ZFYVE9: variants seen among roughly 807,000 people sequenced by gnomAD.
ZFYVE9 encodes zinc finger FYVE-type containing 9, also known as zinc finger FYVE domain-containing protein 9.
Under a neutral mutation model 126.7 loss-of-function variants are expected in ZFYVE9, and 43 were observed. The ratio of observed to expected loss-of-function variants is 0.34; its 90% CI spans 0.27 to 0.44. The LOEUF (loss-of-function observed/expected upper bound fraction) is 0.44. ZFYVE9 is among the 20% of genes least tolerant of loss of function. The pLI, the probability that ZFYVE9 is intolerant of heterozygous loss-of-function variation, is 1.00. For missense variants in ZFYVE9, 1,476 were observed against 1,697.0 expected (o/e 0.87, Z 2.29); for synonymous variants, 521 against 597.4 (o/e 0.87, Z 1.87).
intron 13 of ZFYVE9, among the ~76,000 whole-genome samples, chr1:52,327,110 G>A (rs560324544): frequency 1.8e-4 from 27 of 151,992 alleles, no homozygotes; most frequent in Admixed American, 1.1e-3. Context: ...GCAGTGAGCC[G>A]AGATTGCACC....
At chr1:52,280,100 G>T (rs953149129) in intron 9 of ZFYVE9, among the ~76,000 whole-genome samples, 17 of 151,840 alleles carry the variant, frequency 1.1e-4, no homozygotes, top group African/African-American at 4.1e-4. Flanking sequence ...CCTAAGACCA[G>T]GCACCATGGT....
At chr1:52,148,947 ATTTTTTTTTTTTTT>A (rs56300233) in intron 1 of ZFYVE9, among the ~76,000 whole-genome samples, 1,704 of 34,430 alleles carry the variant, frequency 0.049, 69 homozygotes, top group African/African-American at 0.14. Flanking sequence ...CCTTAACATG[ATTTTTTTTTTTTTT>A]TTTTTTTTTT....
chr1:52,157,417 T>TG (rs1340130796), intron 1 of ZFYVE9, among the ~76,000 whole-genome samples: 1 of 140,568 alleles, frequency 7.1e-6, no homozygotes, highest in African/African-American at 2.6e-5. Flanking sequence ...TTTTTTTTTT[T>TG]TGAGATGGAG....
Position 52,248,645 on chromosome 1 carries a change from A to G in ZFYVE9, c.2178+9050A>G, listed in dbSNP as rs1645414257. Among the ~76,000 whole-genome samples the G allele has an allele frequency of 3.9e-5, 6 of 152,154 alleles. No homozygotes were observed. The South Asian group carries it at 1.2e-3, about 31-fold the overall frequency. Reference sequence around the variant, plus strand: ...ATATTTCATTGTATGTATGTACCACATTTTGTTAATTCATTTATCCATCAA... The same window carrying G: ...ATATTTCATTGTATGTATGTACCACGTTTTGTTAATTCATTTATCCATCAA... On this transcript the variant is annotated intron_variant, in intron 4 of 18. Transcript: ENST00000287727.
chr1:52,179,992 T>G (rs1644682482), intron 1 of ZFYVE9: 1 of 900,224 alleles, frequency 1.1e-6, no homozygotes, highest in African/African-American at 1.6e-5. Context: ...GATATGACTT[T>G]GGAAGAGCTG....
At chr1:52,205,975 G>A (rs1644974400) in intron 1 of ZFYVE9, among the ~76,000 whole-genome samples, 1 of 152,050 alleles carries the variant, frequency 6.6e-6, no homozygotes, top group Non-Finnish European at 1.5e-5. Flanking sequence ...GATCTTTGAA[G>A]GTATAGGTGC....
chr1:52,247,864 C>A (rs1184440039), intron 4 of ZFYVE9, among the ~76,000 whole-genome samples: 1 of 152,126 alleles, frequency 6.6e-6, no homozygotes, highest in Non-Finnish European at 1.5e-5. Flanking sequence ...GACTGCTATT[C>A]TACCATCTGT....
At position 52,259,115 on chromosome 1, in the gene ZFYVE9, G is replaced by C. The variant is rs368788716; in HGVS notation, c.2179-4658G>C. Reference sequence around the variant, plus strand: ...GCAGGGTTGGTTCCTCCTGGGGGCTGTACGGAAAAGATCTCTTCCATGTCT... The same window carrying C: ...GCAGGGTTGGTTCCTCCTGGGGGCTCTACGGAAAAGATCTCTTCCATGTCT... On this transcript the variant is annotated intron_variant, in intron 4 of 18. Coordinates refer to ENST00000287727, the MANE Select transcript of ZFYVE9 (RefSeq NM_004799.4). 1.4e-4 allele frequency among the ~76,000 whole-genome samples: 22 copies of C among 152,254 alleles called. No homozygotes were observed. The East Asian group carries it at 3.5e-3, about 24-fold the overall frequency.
intron 2 of ZFYVE9, among the ~76,000 whole-genome samples, chr1:52,230,938 T>G (rs1424318846): frequency 1.3e-5 from 2 of 152,240 alleles, no homozygotes; most frequent in South Asian, 4.1e-4. Context: ...TTTATAATGT[T>G]AGGGATGATA....
At chr1:52,297,778 A>G (rs963898720) in intron 12 of ZFYVE9, among the ~76,000 whole-genome samples, 1 of 151,604 alleles carries the variant, frequency 6.6e-6, no homozygotes, top group African/African-American at 2.4e-5. Flanking sequence ...GCTGGAGTGC[A>G]GTGGCACGAT....
chr1:52,218,509 C>T (rs2124599003), intron 2 of ZFYVE9, among the ~76,000 whole-genome samples: 1 of 152,286 alleles, frequency 6.6e-6, no homozygotes, highest in African/African-American at 2.4e-5. Flanking sequence ...ACATGTTTCC[C>T]CAGGCTGTGG....
chr1:52,321,926 G>A (rs1324813600), intron 13 of ZFYVE9, among the ~76,000 whole-genome samples: 1 of 152,152 alleles, frequency 6.6e-6, no homozygotes. Context: ...ATCTTATCCA[G>A]TTCTATGGGC....
At chr1:52,255,898 TTTTTCTTTTC>T (rs71577260) in intron 4 of ZFYVE9, among the ~76,000 whole-genome samples, 8,168 of 101,898 alleles carry the variant, frequency 0.08, 496 homozygotes, top group Non-Finnish European at 0.1. Context: ...CTATTTTGCT[TTTTTCTTTTC>T]TTTTCTTTTC....
chr1:52,151,771 C>T (rs1467284121), intron 1 of ZFYVE9, among the ~76,000 whole-genome samples: 1 of 152,068 alleles, frequency 6.6e-6, no homozygotes, highest in Admixed American at 6.6e-5. Flanking sequence ...CCCGCCTCGG[C>T]CTCCCAAAGT....
chr1:52,254,193 A>T (rs1645480057), intron 4 of ZFYVE9: 1 of 544,344 alleles, frequency 1.8e-6, no homozygotes, highest in Non-Finnish European at 3.2e-6. Flanking sequence ...CTTTAAAATG[A>T]TATGGAAGTC....
At chr1:52,234,619 CAT>C (rs1356625242) in intron 3 of ZFYVE9, among the ~76,000 whole-genome samples, 6 of 152,154 alleles carry the variant, frequency 3.9e-5, no homozygotes, top group Non-Finnish European at 5.9e-5. Flanking sequence ...AATATGGAAT[CAT>C]GACAGGAAGG....
chr1:52,336,238 G>A (rs1485133230), intron 15 of ZFYVE9, among the ~76,000 whole-genome samples: 1 of 151,110 alleles, frequency 6.6e-6, no homozygotes, highest in East Asian at 1.9e-4. Flanking sequence ...GTCTTCTTTT[G>A]GTAAATTTAA....
chr1:52,296,906 G>A (rs531013302), intron 12 of ZFYVE9, among the ~76,000 whole-genome samples: 1 of 151,910 alleles, frequency 6.6e-6, no homozygotes, highest in East Asian at 1.9e-4. Flanking sequence ...CTCCACCTCC[G>A]AGCAATTCTC....
At position 52,169,547 on chromosome 1, in the gene ZFYVE9, C is replaced by A. The variant is rs568770053; in HGVS notation, c.-143+27144C>A. On this transcript the variant is annotated intron_variant, in intron 1 of 18. Transcript: ENST00000287727. ...TTAGAATGTAATCTCTGCGAGGGCT[C>A]AGGTTTTGCCTGTTTACTTGCTGTT... Among the ~76,000 whole-genome samples the A allele has an allele frequency of 3.3e-5, 5 of 152,238 alleles. No individual in the cohort carries two copies. In the South Asian group the frequency reaches 1.0e-3, roughly 32 times the overall value.
Sources: gnomAD v4.1 joint callset for allele counts (sites outside exome capture counted in the v4.1 genomes callset) on GRCh38, gnomAD v4.1.1 for gene constraint, MANE v1.5 for transcripts, NCBI Gene and HGNC (gene_info 2026-07-23, HGNC 2026-07-21) for gene names.